COL21A1: variants seen among roughly 807,000 people sequenced by gnomAD.
COL21A1 encodes the protein collagen alpha-1(XXI) chain.
In COL21A1, 149 loss-of-function variants were observed where a neutral mutation model predicts 137.9. That is an observed-to-expected ratio of 1.08 (90% CI 0.95 to 1.24). The LOEUF is 1.24. Ranked by LOEUF, COL21A1 falls within the 50% of genes most tolerant of loss-of-function variation. COL21A1 has a pLI of 0.00. For synonymous variants in COL21A1, 456 were observed against 391.5 expected (o/e 1.16, Z -1.95); for missense variants, 1,167 against 1,158.4 (o/e 1.01, Z -0.11).
chr6:56,171,999 G>A (rs1561944480), intron 3 of COL21A1, among the ~76,000 whole-genome samples: 1 of 150,756 alleles, frequency 6.6e-6, no homozygotes, highest in Non-Finnish European at 1.5e-5. Flanking sequence ...GGAAGAGAAA[G>A]AGTGAAGAAA....
chr6:56,089,419 A>G (rs1269571583), intron 17 of COL21A1, among the ~76,000 whole-genome samples: 2 of 152,172 alleles, frequency 1.3e-5, no homozygotes, highest in African/African-American at 4.8e-5. Context: ...ACATCTATAT[A>G]TATTTTTTGC....
chr6:56,325,697 TATAATATATAA>T (rs1765042109), intron 1 of COL21A1, among the ~76,000 whole-genome samples: 1 of 812 alleles, frequency 1.2e-3, no homozygotes. Context: ...TATAAATATA[TATAATATATAA>T]TATATGTAAC....
intron 1 of COL21A1, among the ~76,000 whole-genome samples, chr6:56,351,537 A>G (rs1581764178): frequency 6.6e-6 from 1 of 152,312 alleles, no homozygotes; most frequent in South Asian, 2.1e-4. Context: ...GAGACTTTGG[A>G]GAGGGGAATC....
intron 12 of COL21A1, among the ~76,000 whole-genome samples, chr6:56,137,928 T>C (rs184828341): frequency 2.0e-5 from 3 of 152,290 alleles, no homozygotes; most frequent in Non-Finnish European, 4.4e-5. Flanking sequence ...TGAGCACACA[T>C]AAGTCAGCAC....
intron 1 of COL21A1, among the ~76,000 whole-genome samples, chr6:56,186,010 A>G (rs985737038): frequency 5.3e-5 from 8 of 152,160 alleles, no homozygotes; most frequent in African/African-American, 1.7e-4. Flanking sequence ...GAAAACCTAG[A>G]CAAAGATATT....
intron 1 of COL21A1, among the ~76,000 whole-genome samples, chr6:56,357,877 C>T (rs1022338472): frequency 6.6e-6 from 1 of 152,102 alleles, no homozygotes; most frequent in African/African-American, 2.4e-5. Flanking sequence ...CCACAGAAGA[C>T]AATACTGGTA....
At chr6:56,293,173 TATTA>T (rs930537039) in intron 1 of COL21A1, among the ~76,000 whole-genome samples, 4 of 152,218 alleles carry the variant, frequency 2.6e-5, no homozygotes, top group African/African-American at 7.2e-5. Context: ...TTAAACACAT[TATTA>T]ATTCTCTTTC....
At chr6:56,172,850 A>G (rs1777171499) in intron 3 of COL21A1, among the ~76,000 whole-genome samples, 1 of 152,142 alleles carries the variant, frequency 6.6e-6, no homozygotes, top group African/African-American at 2.4e-5. Context: ...AAGTTGTTAT[A>G]ATTACATGAT....
At chr6:56,270,696 G>T (rs1325881605) in intron 1 of COL21A1, among the ~76,000 whole-genome samples, 1 of 152,172 alleles carries the variant, frequency 6.6e-6, no homozygotes, top group Admixed American at 6.5e-5. Context: ...CATCTGGTAG[G>T]AGGTGACTGA....
intron 16 of COL21A1, among the ~76,000 whole-genome samples, chr6:56,123,237 A>G (rs752633462): frequency 1.3e-5 from 2 of 152,270 alleles, no homozygotes; most frequent in Non-Finnish European, 2.9e-5. Context: ...ATAATTAACA[A>G]GAAGGAACCA....
intron 1 of COL21A1, among the ~76,000 whole-genome samples, chr6:56,304,344 T>A (rs1272560517): frequency 1.3e-5 from 2 of 152,070 alleles, no homozygotes; most frequent in African/African-American, 4.8e-5. Flanking sequence ...AGAATTCGGC[T>A]GTGAATCCAT....
intron 16 of COL21A1, among the ~76,000 whole-genome samples, chr6:56,116,861 T>C (rs1234527130): frequency 6.6e-6 from 1 of 152,076 alleles, no homozygotes. Flanking sequence ...GTTTGTTTGT[T>C]TATGCAAATA....
At chr6:56,366,373 A>T (rs972866747) in intron 1 of COL21A1, among the ~76,000 whole-genome samples, 1 of 152,196 alleles carries the variant, frequency 6.6e-6, no homozygotes, top group African/African-American at 2.4e-5. Context: ...ACAGCCAAGT[A>T]CCGCAGCAGG....
At chr6:56,269,451 C>T (rs903339867) in intron 1 of COL21A1, among the ~76,000 whole-genome samples, 17 of 151,466 alleles carry the variant, frequency 1.1e-4, no homozygotes, top group African/African-American at 2.4e-4. Flanking sequence ...GTCAGGAGAT[C>T]GAGACCATCC....
chr6:56,107,563 G>C (rs1352406866), intron 16 of COL21A1, among the ~76,000 whole-genome samples: 1 of 151,968 alleles, frequency 6.6e-6, no homozygotes, highest in African/African-American at 2.4e-5. Context: ...AGGAAAAAGA[G>C]TCACAAAGGA....
chr6:56,377,750 G>A (rs1177190395), intron 1 of COL21A1, among the ~76,000 whole-genome samples: 2 of 152,100 alleles, frequency 1.3e-5, no homozygotes, highest in African/African-American at 4.8e-5. Context: ...GCAACTAAGA[G>A]AGTACTGGAA....
chr6:56,101,547 G>T, intron 16 of COL21A1, 22 bp from the exon 17 acceptor site: 1 of 1,558,206 alleles, frequency 6.4e-7, no homozygotes, highest in Non-Finnish European at 8.7e-7. Context: ...TTGACAAAAA[G>T]AAATAGAGAA....
intron 12 of COL21A1, among the ~76,000 whole-genome samples, chr6:56,135,961 A>T (rs1256475221): frequency 6.6e-6 from 1 of 151,144 alleles, no homozygotes; most frequent in East Asian, 1.9e-4. Context: ...ACTCATTCCT[A>T]TTTTTTTCTC....
intron 17 of COL21A1, among the ~76,000 whole-genome samples, chr6:56,079,865 A>G (rs1347895033): frequency 6.6e-6 from 1 of 151,668 alleles, no homozygotes; most frequent in Admixed American, 6.6e-5. Context: ...AAGTAAAAAT[A>G]TATAAAAACT....
Sources: gnomAD v4.1 joint callset for allele counts (sites outside exome capture counted in the v4.1 genomes callset) on GRCh38, gnomAD v4.1.1 for gene constraint, MANE v1.5 for transcripts, NCBI Gene and HGNC (gene_info 2026-07-23, HGNC 2026-07-21) for gene names.